The following PLCB4 variants were observed in gnomAD, a reference collection of about 807,000 sequenced individuals.
PLCB4 encodes the protein 1-phosphatidylinositol 4,5-bisphosphate phosphodiesterase beta-4.
PLCB4 carries 77 observed loss-of-function variants against 178.8 expected under a neutral mutation model. That is an observed-to-expected ratio of 0.43 (90% CI 0.36 to 0.52). The LOEUF (loss-of-function observed/expected upper bound fraction) is 0.52, where lower values mean the gene tolerates loss of function less well. PLCB4 is among the 20% of genes least tolerant of loss of function. The pLI is 0.00. For synonymous variants in PLCB4, 496 were observed against 490.8 expected (o/e 1.01, Z -0.14); for missense variants, 1,024 against 1,453.4 (o/e 0.70, Z 4.80).
intron 9 of PLCB4, among the ~76,000 whole-genome samples, chr20:9,366,833 T>C (rs115551359): frequency 7.2e-5 from 11 of 152,362 alleles, no homozygotes; most frequent in African/African-American, 2.6e-4. Context: ...CTCAGGTTCA[T>C]GTTCACTTCT....
At chr20:9,302,470 A>G (rs970552959) in intron 3 of PLCB4, among the ~76,000 whole-genome samples, 4 of 152,112 alleles carry the variant, frequency 2.6e-5, no homozygotes, top group African/African-American at 4.8e-5. Flanking sequence ...GCCAGGCCCT[A>G]GGAAGTTTTC....
intron 36 of PLCB4, 42 bp downstream of exon 36, chr20:9,468,714 TGAG>T (rs755976723): frequency 1.8e-6 from 2 of 1,123,778 alleles, no homozygotes; most frequent in Non-Finnish European, 2.7e-6. Flanking sequence ...GGCATTGACT[TGAG>T]GACACAGTCT....
At chr20:9,185,068 G>A (rs538049692) in intron 2 of PLCB4, among the ~76,000 whole-genome samples, 98 of 152,294 alleles carry the variant, frequency 6.4e-4, no homozygotes, top group Non-Finnish European at 1.3e-3. Context: ...GACTACAGGT[G>A]TGTGCCACCA....
At chr20:9,152,181 C>A (rs983095711) in intron 2 of PLCB4, among the ~76,000 whole-genome samples, 7 of 152,114 alleles carry the variant, frequency 4.6e-5, no homozygotes, top group Admixed American at 4.6e-4. Context: ...TGCAAACTGA[C>A]TGTGACAGAA....
chr20:9,421,560 A>G lies in PLCB4; in HGVS notation c.2319+99A>G, dbSNP rs868477101. Reference sequence around the variant, plus strand: ...ATACAGGGGCACTTATTCAACCGACAACATCTTCTTTTTCTCTTCTCCTAA... The same window carrying G: ...ATACAGGGGCACTTATTCAACCGACGACATCTTCTTTTTCTCTTCTCCTAA... On this transcript the variant is annotated intron_variant, in intron 27 of 39. Transcript: ENST00000378473. 14 of 896,074 alleles carry G rather than the reference A, an allele frequency of 1.6e-5. No individual in the cohort carries two copies. In the African/African-American group the frequency reaches 2.3e-4, roughly 15 times the overall value. 55.5% of individuals were successfully genotyped at this position (896,074 alleles called of 1,614,324 possible). A position where few individuals can be genotyped will look rare whatever the true frequency, so the allele number is the denominator to read the frequency against.
intron 2 of PLCB4, among the ~76,000 whole-genome samples, chr20:9,112,251 C>G (rs8115420): frequency 0.21 from 30,976 of 150,190 alleles, 4,417 homozygotes; most frequent in East Asian, 0.65. Flanking sequence ...AACAAATACC[C>G]TACTCTTTTT....
chr20:9,329,288 T>G (rs2148012390), intron 4 of PLCB4, among the ~76,000 whole-genome samples: 1 of 152,288 alleles, frequency 6.6e-6, no homozygotes, highest in Admixed American at 6.5e-5. Context: ...ATTTGGGGGC[T>G]ACTTTTATTA....
intron 3 of PLCB4, among the ~76,000 whole-genome samples, chr20:9,238,536 G>A (rs576997026): frequency 1.6e-4 from 25 of 152,274 alleles, no homozygotes; most frequent in African/African-American, 4.8e-4. Flanking sequence ...ATATCACGCT[G>A]TCACCAGGCA....
At chr20:9,098,741 A>ATATGTGTGTGTG (rs139418572) in intron 2 of PLCB4, among the ~76,000 whole-genome samples, 29 of 135,480 alleles carry the variant, frequency 2.1e-4, no homozygotes, top group African/African-American at 5.5e-4. Context: ...ATATACATAT[A>ATATGTGTGTGTG]TGTGTGTGTG....
At chr20:9,382,611 G>T (rs753259075) in intron 13 of PLCB4, among the ~76,000 whole-genome samples, 45 of 152,216 alleles carry the variant, frequency 3.0e-4, no homozygotes, top group Admixed American at 5.9e-4. Context: ...CTTCTGCCTG[G>T]ACTGGTGTTT....
At chr20:9,301,768 T>C (rs1270763739) in intron 3 of PLCB4, among the ~76,000 whole-genome samples, 1 of 152,062 alleles carries the variant, frequency 6.6e-6, no homozygotes, top group Non-Finnish European at 1.5e-5. Flanking sequence ...AACAAGACCT[T>C]CTAGGACTCC....
At chr20:9,405,824 A>G (rs548517198) in intron 21 of PLCB4, among the ~76,000 whole-genome samples, 2 of 152,308 alleles carry the variant, frequency 1.3e-5, no homozygotes, top group East Asian at 3.9e-4. Context: ...CAGTGGTTTT[A>G]TTTAGTAAGT....
chr20:9,330,954 GTCCCAGGTACTTAGACAT>G (rs1260373864), intron 4 of PLCB4, among the ~76,000 whole-genome samples: 1 of 152,182 alleles, frequency 6.6e-6, no homozygotes, highest in Non-Finnish European at 1.5e-5. Context: ...CATTTACTTT[GTCCCAGGTACTTAGACAT>G]TCTCAATATT....
At chr20:9,444,072 CAT>C in intron 31 of PLCB4, 42 bp downstream of exon 31, 1 of 1,454,114 alleles carries the variant, frequency 6.9e-7, no homozygotes, top group Non-Finnish European at 9.6e-7. Flanking sequence ...TTGTATTACA[CAT>C]ATTGGTGACA....
rs1020609867 is a variant in PLCB4 at position 9,479,880 on chromosome 20, T to C, written c.*871T>C. 1 of 152,504 alleles carries C rather than the reference T, an allele frequency of 6.6e-6. No individual in the cohort carries two copies. Among genetic ancestry groups the C allele is most frequent in the South Asian group, 2.1e-4 (1 of 4,834 alleles). 9.4% of individuals were successfully genotyped at this position (152,504 alleles called of 1,614,324 possible). A position where few individuals can be genotyped will look rare whatever the true frequency, so the allele number is the denominator to read the frequency against. ...GAATACTAGAACTATGTTTGCATGA[T>C]ACACAAGCACCAATAAAGACTAATC... is the stretch of plus-strand genomic sequence containing the variant. On this transcript the variant is annotated 3_prime_UTR_variant, in exon 40 of 40. Coordinates refer to ENST00000378473, the MANE Select transcript of PLCB4 (RefSeq NM_001377142.1).
chr20:9,348,066 T>C (rs1011331463), intron 7 of PLCB4, among the ~76,000 whole-genome samples: 3 of 152,168 alleles, frequency 2.0e-5, no homozygotes, highest in African/African-American at 7.2e-5. Context: ...GTTAGTTGCT[T>C]TGACAGGACA....
intron 7 of PLCB4, among the ~76,000 whole-genome samples, chr20:9,344,235 C>T (rs1226581399): frequency 2.6e-5 from 4 of 152,266 alleles, no homozygotes; most frequent in African/African-American, 9.6e-5. Context: ...GTATCGTGCT[C>T]TTTCCCAGTT....
At chr20:9,117,403 A>G (rs1260729814) in intron 2 of PLCB4, among the ~76,000 whole-genome samples, 1 of 152,186 alleles carries the variant, frequency 6.6e-6, no homozygotes, top group Non-Finnish European at 1.5e-5. Flanking sequence ...GTAGCATGTG[A>G]GAGCATCAGT....
At chr20:9,251,668 A>G (rs1372619711) in intron 3 of PLCB4, among the ~76,000 whole-genome samples, 3 of 152,116 alleles carry the variant, frequency 2.0e-5, no homozygotes, top group Non-Finnish European at 4.4e-5. Context: ...TCAGAAGGTC[A>G]CTTGCAGCCT....
Sources: allele counts gnomAD v4.1 joint callset (sites outside exome capture counted in the v4.1 genomes callset), GRCh38; gene constraint gnomAD v4.1.1; transcripts MANE v1.5; gene names NCBI Gene and HGNC (gene_info 2026-07-23, HGNC 2026-07-21).